Variants in FYCO1 observed in about 807,000 individuals in gnomAD.
The protein encoded by FYCO1 is FYVE and coiled-coil domain-containing protein 1.
A neutral mutation model predicts 165.1 loss-of-function variants in FYCO1; 122 were observed. The ratio of observed to expected loss-of-function variants is 0.74; its 90% confidence interval spans 0.64 to 0.86. The LOEUF is 0.86. FYCO1 is among the 40% of genes least tolerant of loss of function. The probability of loss-of-function intolerance (pLI) is 0.00; values close to 1 mark genes in which losing one functional copy is unlikely to be tolerated. For missense variants in FYCO1, 1,702 were observed against 1,810.3 expected, an observed-to-expected ratio of 0.94 and a Z score of 1.09; for synonymous variants, 648 against 742.5, an observed-to-expected ratio of 0.87 and a Z score of 2.07.
intron 2 of FYCO1, among the ~76,000 whole-genome samples, chr3:45,984,024 C>T (rs954731655): frequency 6.6e-6 from 1 of 152,156 alleles, no homozygotes; most frequent in Non-Finnish European, 1.5e-5. Flanking sequence ...CAGTTAGAAG[C>T]CTGGGCCTTT....
At chr3:45,925,480 C>A (rs1189240942) in intron 16 of FYCO1, among the ~76,000 whole-genome samples, 1 of 152,112 alleles carries the variant, frequency 6.6e-6, no homozygotes, top group Non-Finnish European at 1.5e-5. Flanking sequence ...TTATTAAATT[C>A]AGTTTTAATT....
chr3:45,993,212 A>G lies in FYCO1; in HGVS notation c.-113+2510T>C, dbSNP rs1424100385. ...TGCCTTTCAAATGCCACAGAGATCC[A>G]AGTGAACAGGAAGGACCACTGGAAG... On this transcript the variant is annotated intron_variant, in intron 1 of 17. Transcript: ENST00000296137. The surrounding 1 kb of genome is among the most constrained non-coding windows in gnomAD (Gnocchi z 4.4). Among the ~76,000 whole-genome samples, 5 of 152,184 alleles carry G rather than the reference A, an allele frequency of 3.3e-5. No individual in the cohort carries two copies. The highest frequency in any genetic ancestry group is 2.1e-4 in the South Asian group (1 of 4,834).
rs573700492 is a variant in FYCO1, at chr3:45,968,312, T to G, written c.1022A>C (p.Glu341Ala). Reference sequence around the variant, plus strand: ...CTGTGCCAAGGGCTGCAGCATGGACTCCAGCCGCCGCAGGGCTGTGTGGTA... The same window carrying G: ...CTGTGCCAAGGGCTGCAGCATGGACGCCAGCCGCCGCAGGGCTGTGTGGTA... ...EDYHTALRRL[E>A]SMLQPLAQEL... The change falls in exon 8 of 18, where the codon GAG becomes GCG. Residue 341 changes from glutamate (E) to alanine (A), a missense_variant. Transcript: ENST00000296137. The G allele has an allele frequency of 7.1e-5, 115 of 1,613,866 alleles. 1 individual carries two copies. In the South Asian group the frequency reaches 1.2e-3, roughly 17 times the overall value.
intron 6 of FYCO1, among the ~76,000 whole-genome samples, chr3:45,972,058 A>C (rs1706476208): frequency 6.6e-6 from 1 of 152,240 alleles, no homozygotes; most frequent in Non-Finnish European, 1.5e-5. Context: ...TTATAGTAAA[A>C]TATCGATAAC....
In FYCO1 at chr3:45,968,799, A is replaced by G. The variant is rs1482275486; in HGVS notation, c.631-96T>C. On this transcript the variant is annotated intron_variant, in intron 7 of 17. Transcript: ENST00000296137. ...GTTTAATGAGAGCAGAGGTAAAAAT[A>G]CAGGCATTACCTGCCCTAAGGTTAG... is the stretch of plus-strand genomic sequence containing the variant. 2.8e-6 allele frequency: 4 copies of G among 1,414,616 alleles called. No individual in the cohort carries two copies. The African/African-American group carries it at 5.6e-5, about 20-fold the overall frequency. 87.6% of individuals were successfully genotyped at this position (1,414,616 alleles called of 1,614,324 possible).
rs1705790257 is a variant in FYCO1 at position 45,962,993 on chromosome 3, C to G, written c.3270-601G>C. Among the ~76,000 whole-genome samples the G allele has an allele frequency of 6.6e-6, 1 of 152,158 alleles. No individual in the cohort carries two copies. The highest frequency in any genetic ancestry group is 2.1e-4 in the South Asian group (1 of 4,828). ...GAGCTGGCTGAATCTCGCTGTCTTC[C>G]TCACCCCACCCACTCCATTTTTAAT... is the stretch of plus-strand genomic sequence containing the variant. On this transcript the variant is annotated intron_variant, in intron 10 of 17. Transcript: ENST00000296137. The surrounding 1 kb of genome is among the most constrained non-coding windows in gnomAD (Gnocchi z 4.4).
intron 7 of FYCO1, 75 bp from the exon 8 acceptor site, chr3:45,968,778 A>C: frequency 6.4e-7 from 1 of 1,572,522 alleles, no homozygotes; most frequent in Non-Finnish European, 8.7e-7. Flanking sequence ...TTTAGAGTTT[A>C]ATGAGAGCAG....
intron 14 of FYCO1, among the ~76,000 whole-genome samples, chr3:45,939,744 T>C (rs1392383645): frequency 6.6e-6 from 1 of 152,214 alleles, no homozygotes; most frequent in African/African-American, 2.4e-5. Flanking sequence ...TCAGCCTCCA[T>C]TTGTGAACAG....
intron 1 of FYCO1, among the ~76,000 whole-genome samples, chr3:45,986,693 C>T (rs1449135994): frequency 6.6e-6 from 1 of 152,140 alleles, no homozygotes; most frequent in East Asian, 1.9e-4. Flanking sequence ...CAAGTGTTGG[C>T]ACCCATCCAT....
intron 16 of FYCO1, among the ~76,000 whole-genome samples, chr3:45,926,615 G>A (rs964791657): frequency 6.6e-6 from 1 of 152,194 alleles, no homozygotes; most frequent in Admixed American, 6.5e-5. Flanking sequence ...GGAACTCAAT[G>A]AAGAAACAGA....
chr3:45,921,756 G>C lies in FYCO1; in HGVS notation c.*9C>G. 2 of 1,572,248 alleles carry C rather than the reference G, an allele frequency of 1.3e-6. No individual in the cohort carries two copies. The highest frequency in any genetic ancestry group is 1.8e-6 in the Non-Finnish European group (2 of 1,141,786). ...CTGTGGATGAAGTGAAGTTACTGAG[G>C]TGCTGAAGCTACAGGAAATCACTTC... On this transcript the variant is annotated 3_prime_UTR_variant, in exon 18 of 18. Transcript: ENST00000296137.
chr3:45,949,828 C>G (rs1704889480), intron 14 of FYCO1, among the ~76,000 whole-genome samples: 1 of 152,200 alleles, frequency 6.6e-6, no homozygotes, highest in African/African-American at 2.4e-5. Context: ...AGCACAGCAG[C>G]AAAATCTTTC....
At position 45,921,731 on chromosome 3, in the gene FYCO1, CT is replaced by C. The variant is rs1703100816; in HGVS notation, c.*33del. 7.3e-7 allele frequency: 1 copy of C among 1,370,362 alleles called. No individual in the cohort carries two copies. 84.9% of individuals were successfully genotyped at this position (1,370,362 alleles called of 1,614,324 possible). On this transcript the variant is annotated 3_prime_UTR_variant, in exon 18 of 18. Transcript: ENST00000296137. Reference sequence around the variant, plus strand: ...GACAGGTGAGGAAGAGCAGTGTTTCCTGTGGATGAAGTGAAGTTACTGAGGT... The same window carrying C: ...GACAGGTGAGGAAGAGCAGTGTTTCCGTGGATGAAGTGAAGTTACTGAGGT...
At position 45,962,361 on chromosome 3, in the gene FYCO1, T is replaced by C; in HGVS notation, c.3301A>G (p.Lys1101Glu). 2 of 1,614,182 alleles carry C rather than the reference T, an allele frequency of 1.2e-6. No individual in the cohort carries two copies. The highest frequency in any genetic ancestry group is 8.5e-7 in the Non-Finnish European group (1 of 1,180,026). ...AGTTTGTTGTAATACTCTTGGATTTTTGTTGTGGCTTTTTCGAGTTCCTTC... is the reference window on the plus strand; with the variant it reads ...AGTTTGTTGTAATACTCTTGGATTTCTGTTGTGGCTTTTTCGAGTTCCTTC... ...TQKELEKATTKIQEYYNKLCQ... is the reference protein window; with the variant it reads ...TQKELEKATTEIQEYYNKLCQ... Residue 1101 changes from lysine (K) to glutamate (E), a missense_variant, in exon 11 of 18, where the codon AAA becomes GAA. Coordinates refer to ENST00000296137, the MANE Select transcript of FYCO1 (RefSeq NM_024513.4). The surrounding 1 kb of genome is among the most constrained non-coding windows in gnomAD (Gnocchi z 4.4).
intron 15 of FYCO1, among the ~76,000 whole-genome samples, chr3:45,934,826 T>A (rs1459377768): frequency 2.6e-5 from 4 of 152,258 alleles, no homozygotes; most frequent in Non-Finnish European, 5.9e-5. Context: ...GGTAGCTTTA[T>A]CTTTGCACCT....
intron 14 of FYCO1, chr3:45,947,313 T>C: frequency 6.2e-7 from 1 of 1,614,214 alleles, no homozygotes; most frequent in Non-Finnish European, 8.5e-7. Context: ...GGCCATCGCA[T>C]ACCTGAGGGC....
chr3:45,966,287 C>G lies in FYCO1; in HGVS notation c.3047G>C (p.Ser1016Thr). ...TGAAGCTAGGATTACCTTAAGTCTG[C>G]TCTGGTAGTCCATGATTTCAGCACT... Reference protein sequence around the residue: ...QLSAEIMDYQSRLKNAGEECK... With the variant: ...QLSAEIMDYQTRLKNAGEECK... The change falls in exon 8 of 18, where the codon AGC (serine) becomes ACC (threonine). Residue 1016 changes from serine to threonine, a missense_variant. Coordinates refer to ENST00000296137, the MANE Select transcript of FYCO1 (RefSeq NM_024513.4). The G allele has an allele frequency of 1.9e-6, 3 of 1,614,036 alleles. No individual in the cohort carries two copies. Among genetic ancestry groups the G allele is most frequent in the African/African-American group, 1.3e-5 (1 of 75,068 alleles).
chr3:45,969,074 A>G (rs1706275326), intron 7 of FYCO1, among the ~76,000 whole-genome samples: 1 of 152,264 alleles, frequency 6.6e-6, no homozygotes, highest in Non-Finnish European at 1.5e-5. Flanking sequence ...TGATTAAGCC[A>G]CAAAATAAGG....
In FYCO1 at chr3:45,967,103, A is replaced by G. The variant is rs534275113; in HGVS notation, c.2231T>C (p.Ile744Thr). 1.2e-5 allele frequency: 20 copies of G among 1,613,880 alleles called. No individual in the cohort carries two copies. The highest frequency in any genetic ancestry group is 4.5e-5 in the East Asian group (2 of 44,858). ...GCCTTTCTCTGCTGTGAGGACCTCA[A>G]TCAGCTGGGTCTGCTGCTGGCACTG... ...ESQCQQQTQLIEVLTAEKGQQ... is the reference protein window; with the variant it reads ...ESQCQQQTQLTEVLTAEKGQQ... The change falls in exon 8 of 18, where the codon ATT (isoleucine) becomes ACT (threonine). Residue 744 changes from isoleucine (I) to threonine (T), a missense_variant. By Grantham distance (89) the Ile-to-Thr change is moderately conservative. Coordinates refer to ENST00000296137, the MANE Select transcript of FYCO1 (RefSeq NM_024513.4).
Sources: gnomAD v4.1 joint callset for allele counts (sites outside exome capture counted in the v4.1 genomes callset) on GRCh38, gnomAD v4.1.1 for gene constraint, Gnocchi (gnomAD v3.1) non-coding constraint, MANE v1.5 for transcripts, NCBI Gene and HGNC (gene_info 2026-07-23, HGNC 2026-07-21) for gene names.